Variants in PHACTR3 observed in about 807,000 individuals in gnomAD.
The protein encoded by PHACTR3 is protein phosphatase 1, regulatory subunit 123.
PHACTR3 carries 16 observed loss-of-function variants against 66.8 expected under a neutral mutation model. The ratio of observed to expected loss-of-function variants is 0.24; its 90% confidence interval spans 0.16 to 0.36. PHACTR3 has a LOEUF of 0.36. Among genes scored for constraint, PHACTR3 ranks in the 10% least tolerant of loss-of-function variants. The probability of loss-of-function intolerance (pLI) is 1.00; values close to 1 mark genes in which losing one functional copy is unlikely to be tolerated. For missense variants in PHACTR3, 647 were observed against 719.9 expected (o/e 0.90, Z 1.16); for synonymous variants, 323 against 292.1 (o/e 1.11, Z -1.08).
At chr20:59,650,483 A>G (rs1035705211) in intron 1 of PHACTR3, among the ~76,000 whole-genome samples, 3 of 152,188 alleles carry the variant, frequency 2.0e-5, no homozygotes, top group Non-Finnish European at 4.4e-5. Flanking sequence ...AATACAAATT[A>G]AAACAATGAA....
chr20:59,687,265 G>A (rs1461764106), intron 1 of PHACTR3, among the ~76,000 whole-genome samples: 2 of 152,006 alleles, frequency 1.3e-5, no homozygotes, highest in African/African-American at 4.8e-5. Flanking sequence ...GGTGATGATG[G>A]TGATGATGAT....
intron 8 of PHACTR3, among the ~76,000 whole-genome samples, chr20:59,817,380 G>GT (rs1042150218): frequency 2.6e-5 from 4 of 152,308 alleles, no homozygotes; most frequent in African/African-American, 9.6e-5. Flanking sequence ...CTCAGGTGAG[G>GT]ATACTCCAGA....
intron 1 of PHACTR3, among the ~76,000 whole-genome samples, chr20:59,643,896 G>T (rs556947126): frequency 3.9e-5 from 6 of 152,286 alleles, no homozygotes; most frequent in African/African-American, 1.2e-4. Context: ...ACTTAGGCAG[G>T]CATTCGGTCC....
chr20:59,782,608 A>G (rs2146928451), intron 7 of PHACTR3, among the ~76,000 whole-genome samples: 1 of 152,312 alleles, frequency 6.6e-6, no homozygotes, highest in African/African-American at 2.4e-5. Flanking sequence ...CCTCACAATC[A>G]TGGTGGCAGG....
intron 1 of PHACTR3, among the ~76,000 whole-genome samples, chr20:59,596,449 T>C (rs1289153394): frequency 6.6e-6 from 1 of 152,218 alleles, no homozygotes; most frequent in Non-Finnish European, 1.5e-5. Context: ...GCCCTGGTAC[T>C]GAACCTTCTG....
chr20:59,756,959 T>C (rs1047389811), intron 4 of PHACTR3, among the ~76,000 whole-genome samples: 8 of 152,060 alleles, frequency 5.3e-5, no homozygotes. Flanking sequence ...TGCAATCTAC[T>C]CATCTGACAA....
At chr20:59,822,611 G>A (rs1378819299) in intron 8 of PHACTR3, among the ~76,000 whole-genome samples, 1 of 152,104 alleles carries the variant, frequency 6.6e-6, no homozygotes, top group African/African-American at 2.4e-5. Flanking sequence ...TGGGTCCGGT[G>A]GAAATGGTGT....
At position 59,819,901 on chromosome 20, in the gene PHACTR3, C is replaced by T. The variant is rs965775706; in HGVS notation, c.1328+13707C>T. Among the ~76,000 whole-genome samples, 67 of 152,366 alleles carry T rather than the reference C, an allele frequency of 4.4e-4. 1 individual carries two copies. The highest frequency in any genetic ancestry group is 1.6e-3 in the African/African-American group (66 of 41,584). On this transcript the variant is annotated intron_variant, in intron 8 of 12. Coordinates refer to ENST00000371015, the MANE Select transcript of PHACTR3 (RefSeq NM_080672.5). ...GTCAGCTGAGGCATGCAGGGCTCTG[C>T]CATCTATAGCCTTCTTTGGATTCCG...
intron 1 of PHACTR3, among the ~76,000 whole-genome samples, chr20:59,592,495 G>A (rs1049409372): frequency 3.9e-5 from 6 of 152,148 alleles, no homozygotes; most frequent in African/African-American, 9.7e-5. Context: ...TGCATTCTTC[G>A]TGATGTACAT....
Position 59,738,425 on chromosome 20 carries a change from T to C in PHACTR3, c.119-4682T>C, listed in dbSNP as rs1324592373. On this transcript the variant is annotated intron_variant, in intron 1 of 12. Coordinates refer to ENST00000371015, the MANE Select transcript of PHACTR3 (RefSeq NM_080672.5). This position sits in a 1 kb window ranked among gnomAD's most constrained non-coding sequence, Gnocchi z 4.4. The stretch of plus-strand genomic sequence containing the variant: ...GAGAAGGGAAGCGAGCAGGAAGTGA[T>C]AGGGTTAGAGCTCTATTTCTAAGAC... Among the ~76,000 whole-genome samples, 1 of 152,104 alleles carries C rather than the reference T, an allele frequency of 6.6e-6. No individual in the cohort carries two copies. The highest frequency in any genetic ancestry group is 1.5e-5 in the Non-Finnish European group (1 of 68,004).
At chr20:59,833,013 G>T (rs544905861) in intron 8 of PHACTR3, among the ~76,000 whole-genome samples, 1 of 152,170 alleles carries the variant, frequency 6.6e-6, no homozygotes, top group Admixed American at 6.5e-5. Context: ...CACAGGGAGG[G>T]TCTTGGGGCC....
At chr20:59,700,180 T>C (rs942069465) in intron 1 of PHACTR3, among the ~76,000 whole-genome samples, 1 of 152,228 alleles carries the variant, frequency 6.6e-6, no homozygotes, top group Non-Finnish European at 1.5e-5. Context: ...TTGTAATATT[T>C]CTTGGAGATC....
At chr20:59,664,930 A>G (rs1025512104) in intron 1 of PHACTR3, among the ~76,000 whole-genome samples, 2 of 152,068 alleles carry the variant, frequency 1.3e-5, no homozygotes, top group Non-Finnish European at 2.9e-5. Context: ...ATTCTCCTGG[A>G]CCTTTCTGTG....
chr20:59,652,081 G>A (rs80209798), intron 1 of PHACTR3, among the ~76,000 whole-genome samples: 6,982 of 152,184 alleles, frequency 0.046, 397 homozygotes, highest in East Asian at 0.29. Flanking sequence ...TCCAGTCTAA[G>A]GGCAGGAGAA....
intron 1 of PHACTR3, among the ~76,000 whole-genome samples, chr20:59,689,363 G>A (rs1422198300): frequency 6.6e-6 from 1 of 152,256 alleles, no homozygotes. Context: ...CCAGAAGCAG[G>A]AAGATGGTGT....
At chr20:59,791,764 G>A (rs2041107714) in intron 7 of PHACTR3, among the ~76,000 whole-genome samples, 1 of 131,972 alleles carries the variant, frequency 7.6e-6, no homozygotes, top group South Asian at 2.5e-4. Context: ...AGGCCCCGGT[G>A]TGTGATGGTC....
At chr20:59,609,924 G>A (rs926795812) in intron 1 of PHACTR3, among the ~76,000 whole-genome samples, 8 of 152,266 alleles carry the variant, frequency 5.3e-5, no homozygotes, top group South Asian at 4.2e-4. Flanking sequence ...GATTATGAAA[G>A]CATTGCCTGT....
chr20:59,689,652 T>C (rs6027044), intron 1 of PHACTR3, among the ~76,000 whole-genome samples: 14,156 of 152,190 alleles, frequency 0.093, 1,117 homozygotes, highest in African/African-American at 0.21. Flanking sequence ...TCATTCCATT[T>C]CATAAAGGAA....
intron 1 of PHACTR3, among the ~76,000 whole-genome samples, chr20:59,635,267 T>C (rs1234059944): frequency 6.9e-6 from 1 of 145,292 alleles, no homozygotes; most frequent in African/African-American, 2.6e-5. Context: ...AGAGTTTTGC[T>C]CTTGTTGCCC....
Sources: allele counts gnomAD v4.1 joint callset (sites outside exome capture counted in the v4.1 genomes callset), GRCh38; gene constraint gnomAD v4.1.1; non-coding constraint Gnocchi (gnomAD v3.1); transcripts MANE v1.5; gene names NCBI Gene and HGNC (gene_info 2026-07-23, HGNC 2026-07-21).